KCNMA1: variants seen among roughly 807,000 people sequenced by gnomAD.
The protein encoded by KCNMA1 is Calcium-activated potassium channel subunit alpha-1.
Under a neutral mutation model 140.0 loss-of-function variants are expected in KCNMA1, and 29 were observed. That is an observed-to-expected ratio of 0.21 (90% CI 0.15 to 0.28). KCNMA1 has a LOEUF of 0.28. KCNMA1 is among the 10% of genes least tolerant of loss of function. KCNMA1 has a pLI of 1.00. For missense variants in KCNMA1, 880 were observed against 1,602.2 expected (o/e 0.55, Z 7.70); for synonymous variants, 612 against 611.9 (o/e 1.00, Z 0.00).
At chr10:77,603,863 T>G (rs915499971) in intron 1 of KCNMA1, among the ~76,000 whole-genome samples, 10 of 152,330 alleles carry the variant, frequency 6.6e-5, no homozygotes, top group Middle Eastern at 3.4e-3. Flanking sequence ...AAATCCTGCC[T>G]CTGCCACTTG....
intron 3 of KCNMA1, among the ~76,000 whole-genome samples, chr10:77,198,563 T>A (rs1051542291): frequency 1.2e-5 from 1 of 81,192 alleles, no homozygotes; most frequent in African/African-American, 3.8e-5. Flanking sequence ...AAAGCATATA[T>A]ATGTGATATA....
chr10:77,561,695 G>A (rs1017212592), intron 1 of KCNMA1, among the ~76,000 whole-genome samples: 1 of 152,158 alleles, frequency 6.6e-6, no homozygotes, highest in African/African-American at 2.4e-5. Flanking sequence ...GGGCACCATT[G>A]GCTAGGCTGG....
chr10:76,987,767 G>A (rs1182035488), intron 19 of KCNMA1, among the ~76,000 whole-genome samples: 1 of 151,040 alleles, frequency 6.6e-6, no homozygotes, highest in African/African-American at 2.4e-5. Context: ...TGCTTATGTG[G>A]AGAACGGAAC....
At chr10:77,123,317 CA>C (rs2097665633) in intron 5 of KCNMA1, among the ~76,000 whole-genome samples, 1 of 140,396 alleles carries the variant, frequency 7.1e-6, no homozygotes, top group Non-Finnish European at 1.5e-5. Flanking sequence ...ATAAAAGTAA[CA>C]AAAAAAATTT....
intron 1 of KCNMA1, among the ~76,000 whole-genome samples, chr10:77,560,118 G>A (rs1396236192): frequency 6.6e-6 from 1 of 152,146 alleles, no homozygotes; most frequent in African/African-American, 2.4e-5. Flanking sequence ...TGGAGGTGGA[G>A]GCTGCAGTGA....
At chr10:77,487,287 G>A (rs2098472301) in intron 1 of KCNMA1, among the ~76,000 whole-genome samples, 1 of 151,974 alleles carries the variant, frequency 6.6e-6, no homozygotes, top group South Asian at 2.1e-4. Context: ...TATGTCAACT[G>A]GAACACACTT....
At chr10:77,268,935 AAC>A (rs1452886213) in intron 2 of KCNMA1, among the ~76,000 whole-genome samples, 1 of 152,134 alleles carries the variant, frequency 6.6e-6, no homozygotes, top group African/African-American at 2.4e-5. Flanking sequence ...AATGCAAAGA[AAC>A]ACAATCCAAG....
intron 1 of KCNMA1, among the ~76,000 whole-genome samples, chr10:77,525,042 G>A (rs2055049427): frequency 6.6e-6 from 1 of 152,134 alleles, no homozygotes. Context: ...CTCACTTTCA[G>A]TAAGGTACCG....
At chr10:76,888,277 T>C (rs1233409649) in intron 27 of KCNMA1, 1 of 152,476 alleles carries the variant, frequency 6.6e-6, no homozygotes, top group Non-Finnish European at 1.5e-5. Context: ...GAACAAGCTC[T>C]GCAGGTGAGT....
At chr10:77,002,694 C>G (rs1203354443) in intron 18 of KCNMA1, among the ~76,000 whole-genome samples, 1 of 152,142 alleles carries the variant, frequency 6.6e-6, no homozygotes, top group Non-Finnish European at 1.5e-5. Context: ...CAATGCCCTT[C>G]ACCTTTGCCT....
intron 2 of KCNMA1, among the ~76,000 whole-genome samples, chr10:77,278,672 T>C (rs986474884): frequency 1.3e-5 from 2 of 152,164 alleles, no homozygotes; most frequent in Non-Finnish European, 2.9e-5. Context: ...AAGCAAAAAT[T>C]AAAGCAAAGT....
In KCNMA1 at chr10:77,376,152, G is replaced by T. The variant is rs962678679; in HGVS notation, c.540+27710C>A. On this transcript the variant is annotated intron_variant, in intron 2 of 27. Coordinates refer to ENST00000286628, the MANE Select transcript of KCNMA1 (RefSeq NM_001161352.2). ...GCTCTTGCTGCTGGCATGGCCAAGA[G>T]ATACAGGTAAGTAAAACAGTATACT... Among the ~76,000 whole-genome samples the T allele has an allele frequency of 5.3e-5, 8 of 152,242 alleles. No individual in the cohort carries two copies. The South Asian group carries it at 1.0e-3, about 20-fold the overall frequency.
chr10:77,567,709 A>T (rs2068889469), intron 1 of KCNMA1, among the ~76,000 whole-genome samples: 1 of 152,204 alleles, frequency 6.6e-6, no homozygotes, highest in Non-Finnish European at 1.5e-5. Flanking sequence ...CACAGCCATT[A>T]AGTGAAACAC....
chr10:77,276,024 C>T (rs961996245), intron 2 of KCNMA1, among the ~76,000 whole-genome samples: 1 of 152,188 alleles, frequency 6.6e-6, no homozygotes, highest in South Asian at 2.1e-4. Flanking sequence ...CCCTTCCTTG[C>T]CCTTGCCCCA....
intron 2 of KCNMA1, among the ~76,000 whole-genome samples, chr10:77,267,752 A>C (rs1352917844): frequency 2.6e-5 from 4 of 152,174 alleles, no homozygotes; most frequent in Non-Finnish European, 5.9e-5. Context: ...ATCTCATATC[A>C]GAAAAGTCTT....
intron 6 of KCNMA1, among the ~76,000 whole-genome samples, chr10:77,119,409 G>T (rs1297527914): frequency 6.6e-6 from 1 of 152,176 alleles, no homozygotes; most frequent in Non-Finnish European, 1.5e-5. Flanking sequence ...ACTACCCAAT[G>T]TTAGAGAGTG....
chr10:76,899,035 G>A (rs971254809), intron 25 of KCNMA1, among the ~76,000 whole-genome samples: 2 of 151,992 alleles, frequency 1.3e-5, no homozygotes, highest in African/African-American at 4.8e-5. Context: ...AGAATTAACA[G>A]TATTATTCCA....
intron 1 of KCNMA1, among the ~76,000 whole-genome samples, chr10:77,435,348 T>C (rs1281074117): frequency 6.6e-6 from 1 of 152,042 alleles, no homozygotes; most frequent in African/African-American, 2.4e-5. Context: ...AGAAGAAAAC[T>C]TTCAAAATAA....
chr10:76,998,362 G>A (rs563734158), intron 19 of KCNMA1, among the ~76,000 whole-genome samples: 9 of 152,232 alleles, frequency 5.9e-5, no homozygotes, highest in Admixed American at 2.6e-4. Context: ...AGAGGGAAAC[G>A]AAAGGAAAGA....
Sources: allele counts gnomAD v4.1 joint callset (sites outside exome capture counted in the v4.1 genomes callset), GRCh38; gene constraint gnomAD v4.1.1; transcripts MANE v1.5; gene names NCBI Gene and HGNC (gene_info 2026-07-23, HGNC 2026-07-21).